EPHA7: variants seen among roughly 807,000 people sequenced by gnomAD.
The protein encoded by EPHA7 is ephrin type-A receptor 7.
Under a neutral mutation model 112.6 loss-of-function variants are expected in EPHA7, and 25 were observed. The ratio of observed to expected loss-of-function variants is 0.22; its 90% CI spans 0.16 to 0.31. The LOEUF is 0.31. Ranked by LOEUF, EPHA7 falls within the 10% of genes least tolerant of loss-of-function variation. The probability of loss-of-function intolerance (pLI) is 1.00; values close to 1 mark genes in which losing one functional copy is unlikely to be tolerated. For missense variants in EPHA7, 962 were observed against 1,212.6 expected, an observed-to-expected ratio of 0.79 and a Z score of 3.07; for synonymous variants, 437 against 406.5, an observed-to-expected ratio of 1.07 and a Z score of -0.90.
rs2127842842 is a variant in EPHA7, at chr6:93,241,587, A to T, written c.*1839T>A. 1 of 218,222 alleles carries T rather than the reference A, an allele frequency of 4.6e-6. No homozygotes were observed. The highest frequency in any genetic ancestry group is 5.8e-5 in the Admixed American group (1 of 17,292). The allele number at this position is 218,222 out of a possible 1,614,324, so 13.5% of individuals were successfully genotyped here. On this transcript the variant is annotated 3_prime_UTR_variant, in exon 17 of 17. Coordinates refer to ENST00000369303, the MANE Select transcript of EPHA7 (RefSeq NM_004440.4). ...ATTTTTCTAGTCAATCAAAAAATAA[A>T]TTAAAATATCAAATAACACTGTACA...
chr6:93,299,650 T>C (rs1249804621), intron 5 of EPHA7, among the ~76,000 whole-genome samples: 1 of 152,154 alleles, frequency 6.6e-6, no homozygotes, highest in Non-Finnish European at 1.5e-5. Context: ...CCCAGAGGAA[T>C]ATAAATCTTT....
intron 5 of EPHA7, among the ~76,000 whole-genome samples, chr6:93,278,602 C>T (rs983162193): frequency 3.9e-5 from 6 of 151,970 alleles, no homozygotes; most frequent in African/African-American, 1.4e-4. Flanking sequence ...ATATGCAAGG[C>T]ATTGTGGATT....
Position 93,384,094 on chromosome 6 carries a change from T to C in EPHA7, c.833-25683A>G, listed in dbSNP as rs142620061. ...AGCACACTCAAAAATATTAAAATTA[T>C]TGACCAAGTTAGTTTGGCTGAAGTG... On this transcript the variant is annotated intron_variant, in intron 3 of 16. Transcript: ENST00000369303. Among the ~76,000 whole-genome samples, 389 of 152,312 alleles carry C rather than the reference T, an allele frequency of 2.6e-3. 4 individuals carry two copies. Among genetic ancestry groups the C allele is most frequent in the Non-Finnish European group, 1.5e-3 (101 of 68,028 alleles).
At chr6:93,273,873 G>A (rs938548206) in intron 5 of EPHA7, among the ~76,000 whole-genome samples, 3 of 151,924 alleles carry the variant, frequency 2.0e-5, no homozygotes, top group Non-Finnish European at 4.4e-5. Context: ...ACGTTCAAGA[G>A]GCTGCTTCCT....
intron 5 of EPHA7, among the ~76,000 whole-genome samples, chr6:93,303,803 GTT>G (rs763361922): frequency 4.5e-4 from 68 of 152,212 alleles, no homozygotes; most frequent in Non-Finnish European, 9.0e-4. Flanking sequence ...AGGCAATGCT[GTT>G]TATTCTGTGA....
intron 3 of EPHA7, among the ~76,000 whole-genome samples, chr6:93,378,072 C>T (rs950383429): frequency 2.6e-5 from 4 of 151,220 alleles, no homozygotes; most frequent in African/African-American, 9.7e-5. Context: ...ATAACTGAAA[C>T]CTGCAGAAAA....
chr6:93,352,275 C>T lies in EPHA7; in HGVS notation c.1324+4442G>A, dbSNP rs143586167. On this transcript the variant is annotated intron_variant, in intron 5 of 16. Transcript: ENST00000369303. ...AATGAAGTATTAAAGAAAGAAACAG[C>T]ATTTTTTGAGTGATCTGTTTTTATT... is the stretch of plus-strand genomic sequence containing the variant. Among the ~76,000 whole-genome samples the T allele has an allele frequency of 4.7e-3, 712 of 152,182 alleles. 2 individuals are homozygous for T. Among genetic ancestry groups the T allele is most frequent in the Admixed American group, 8.0e-3 (122 of 15,270 alleles).
chr6:93,342,878 C>T (rs895192745), intron 5 of EPHA7, among the ~76,000 whole-genome samples: 10 of 151,588 alleles, frequency 6.6e-5, no homozygotes, highest in South Asian at 2.1e-4. Context: ...CTAATGAACA[C>T]GTCTTTACTG....
In EPHA7 at chr6:93,269,660, C is replaced by A; in HGVS notation, c.1450G>T (p.Asp484Tyr). The A allele has an allele frequency of 6.6e-7, 1 of 1,505,208 alleles. No individual in the cohort carries two copies. Among genetic ancestry groups the A allele is most frequent in the Non-Finnish European group, 8.8e-7 (1 of 1,130,596 alleles). 93.2% of individuals were successfully genotyped at this position (1,505,208 alleles called of 1,614,324 possible). The change falls in exon 7 of 17, where the codon GAT becomes TAT. Residue 484 changes from aspartate to tyrosine, a missense_variant and splice_region_variant. Transcript: ENST00000369303. ...TEYEIKYYEK[D>Y]QRERTYSTVK... is the part of the protein sequence containing the mutation. ...GTTGAGTAGGTCCGTTCCCTTTGAT[C>A]CTAGAAACAATATTTAGAGGAAATA...
intron 7 of EPHA7, among the ~76,000 whole-genome samples, chr6:93,266,347 C>A (rs1006617039): frequency 6.6e-6 from 1 of 151,534 alleles, no homozygotes; most frequent in African/African-American, 2.4e-5. Context: ...TTGTCTTAGG[C>A]TCAGTTTTTC....
In EPHA7 at chr6:93,258,090, A is replaced by G; in HGVS notation, c.2110+9T>C. 2.5e-6 allele frequency: 4 copies of G among 1,606,326 alleles called. No individual in the cohort carries two copies. Among genetic ancestry groups the G allele is most frequent in the Non-Finnish European group, 3.4e-6 (4 of 1,174,072 alleles). ...TTTTTGATAAAATAAAGATATAACCAATATCTACCTCTTGTAACAACCCCT... is the reference window on the plus strand; with the variant it reads ...TTTTTGATAAAATAAAGATATAACCGATATCTACCTCTTGTAACAACCCCT... On this transcript the variant is annotated intron_variant, in intron 11 of 16. Transcript: ENST00000369303.
At chr6:93,280,890 T>C (rs1771703867) in intron 5 of EPHA7, among the ~76,000 whole-genome samples, 1 of 152,164 alleles carries the variant, frequency 6.6e-6, no homozygotes, top group South Asian at 2.1e-4. Context: ...CCTTCCAGAA[T>C]ACTCTGATTC....
chr6:93,375,111 T>A (rs1337288673), intron 3 of EPHA7, among the ~76,000 whole-genome samples: 3 of 152,236 alleles, frequency 2.0e-5, no homozygotes, highest in African/African-American at 7.2e-5. Context: ...TCCTTGAAAA[T>A]AATATCATTA....
chr6:93,273,261 T>C (rs1374590141), intron 5 of EPHA7, among the ~76,000 whole-genome samples: 2 of 151,992 alleles, frequency 1.3e-5, no homozygotes, highest in Non-Finnish European at 2.9e-5. Flanking sequence ...GATTAACTAG[T>C]TGTCTACTCT....
intron 14 of EPHA7, among the ~76,000 whole-genome samples, chr6:93,250,495 GAA>G (rs1045387876): frequency 2.0e-5 from 3 of 151,532 alleles, no homozygotes; most frequent in African/African-American, 7.3e-5. Context: ...TGGCGCACAG[GAA>G]AAAAAAGAGA....
At chr6:93,418,576 G>A (rs1779361576) in intron 1 of EPHA7, among the ~76,000 whole-genome samples, 1 of 152,212 alleles carries the variant, frequency 6.6e-6, no homozygotes, top group Non-Finnish European at 1.5e-5. Context: ...CCGACGCGCA[G>A]CGCGCGCTGA....
At chr6:93,282,681 A>G (rs1334171639) in intron 5 of EPHA7, among the ~76,000 whole-genome samples, 1 of 151,464 alleles carries the variant, frequency 6.6e-6, no homozygotes, top group African/African-American at 2.4e-5. Context: ...GGCTGCGCAC[A>G]GCGCTTGCGG....
At chr6:93,384,435 C>T (rs959355414) in intron 3 of EPHA7, among the ~76,000 whole-genome samples, 11 of 152,208 alleles carry the variant, frequency 7.2e-5, no homozygotes, top group East Asian at 5.8e-4. Flanking sequence ...AATTCTTGGC[C>T]ATTGTTCCAT....
At chr6:93,390,465 G>A (rs1026042793) in intron 3 of EPHA7, among the ~76,000 whole-genome samples, 12 of 151,090 alleles carry the variant, frequency 7.9e-5, no homozygotes, top group African/African-American at 2.9e-4. Flanking sequence ...ATATGGCATT[G>A]TGTTTATGTA....
Sources: allele counts gnomAD v4.1 joint callset (sites outside exome capture counted in the v4.1 genomes callset), GRCh38; gene constraint gnomAD v4.1.1; transcripts MANE v1.5; gene names NCBI Gene and HGNC (gene_info 2026-07-23, HGNC 2026-07-21).